KIRREL1: variants seen among roughly 807,000 people sequenced by gnomAD.
The protein encoded by KIRREL1 is kin of IRRE-like protein 1.
KIRREL1 carries 25 observed loss-of-function variants against 83.3 expected under a neutral mutation model. The observed-to-expected ratio is 0.30, with a 90% CI of 0.22 to 0.42. The LOEUF is 0.42. Among genes scored for constraint, KIRREL1 ranks in the 10% least tolerant of loss-of-function variants. KIRREL1 has a pLI of 1.00. For missense variants in KIRREL1, 812 were observed against 1,032.3 expected (o/e 0.79, Z 2.92); for synonymous variants, 388 against 410.4 (o/e 0.95, Z 0.66).
In KIRREL1 at chr1:158,058,181, G is replaced by A. The variant is rs539214659; in HGVS notation, c.53-17932G>A. ...GCCAGGCCTCGGGTTCTGTAATTCT[G>A]TTGGCACTTTGTCCTGCACCACCAC... On this transcript the variant is annotated intron_variant, in intron 1 of 14. Transcript: ENST00000359209. Among the ~76,000 whole-genome samples, 57 of 152,250 alleles carry A rather than the reference G, an allele frequency of 3.7e-4. 1 individual carries two copies. Among genetic ancestry groups the A allele is most frequent in the African/African-American group, 1.2e-3 (51 of 41,544 alleles).
intron 1 of KIRREL1, among the ~76,000 whole-genome samples, chr1:158,002,157 A>C (rs1659378324): frequency 6.6e-6 from 1 of 152,200 alleles, no homozygotes; most frequent in African/African-American, 2.4e-5. Flanking sequence ...GGATGAGGAA[A>C]TCTTTTCCTC....
chr1:158,064,429 A>C (rs533294161), intron 1 of KIRREL1, among the ~76,000 whole-genome samples: 2 of 152,310 alleles, frequency 1.3e-5, no homozygotes, highest in East Asian at 3.9e-4. Flanking sequence ...GACCTGTTAC[A>C]AATTGATTAT....
chr1:157,997,046 G>C (rs527506154), intron 1 of KIRREL1, among the ~76,000 whole-genome samples: 42 of 152,294 alleles, frequency 2.8e-4, no homozygotes, highest in African/African-American at 9.6e-4. Context: ...ACCCTTACAA[G>C]GACTAAGTCT....
At chr1:158,024,644 AGGGTGGG>A in intron 1 of KIRREL1, among the ~76,000 whole-genome samples, 1 of 152,144 alleles carries the variant, frequency 6.6e-6, no homozygotes, top group Non-Finnish European at 1.5e-5. Context: ...CCAGAGGATG[AGGGTGGG>A]AAGGCCCTTG....
chr1:158,090,059 C>G (rs984731854), intron 10 of KIRREL1, among the ~76,000 whole-genome samples: 1 of 152,178 alleles, frequency 6.6e-6, no homozygotes, highest in African/African-American at 2.4e-5. Flanking sequence ...ATCTATAAAA[C>G]AGGGCCAGTA....
At chr1:158,014,968 A>AT (rs1321421464) in intron 1 of KIRREL1, among the ~76,000 whole-genome samples, 1 of 151,938 alleles carries the variant, frequency 6.6e-6, no homozygotes. Flanking sequence ...GCTTCTTAGG[A>AT]TTTTTCCAGC....
rs1319214416 is a variant in KIRREL1 at position 158,098,614 on chromosome 1, C to T, written c.*3494C>T. 17 of 152,312 alleles carry T rather than the reference C, an allele frequency of 1.1e-4. No individual in the cohort carries two copies. Among genetic ancestry groups the T allele is most frequent in the African/African-American group, 3.6e-4 (15 of 41,550 alleles). 9.4% of individuals were successfully genotyped at this position (152,312 alleles called of 1,614,324 possible). Reference sequence around the variant, plus strand: ...TTGGCTGAGCCACGGTCACTTCCCTCGTGAAGGACCCGCCCTATATCCTAA... The same window carrying T: ...TTGGCTGAGCCACGGTCACTTCCCTTGTGAAGGACCCGCCCTATATCCTAA... On this transcript the variant is annotated 3_prime_UTR_variant, in exon 15 of 15. Coordinates refer to ENST00000359209, the MANE Select transcript of KIRREL1 (RefSeq NM_018240.7).
Position 158,093,276 on chromosome 1 carries a change from A to G in KIRREL1, c.1472-63A>G. The G allele has an allele frequency of 2.1e-6, 3 of 1,396,142 alleles. No homozygotes were observed. In the South Asian group the frequency reaches 3.5e-5, roughly 16 times the overall value. The allele number at this position is 1,396,142 out of a possible 1,614,324, so 86.5% of individuals were successfully genotyped here. A position where few individuals can be genotyped will look rare whatever the true frequency, so the allele number is the denominator to read the frequency against. On this transcript the variant is annotated intron_variant, in intron 11 of 14. Coordinates refer to ENST00000359209, the MANE Select transcript of KIRREL1 (RefSeq NM_018240.7). ...GGCTGTGGCCTAGCCTTTAGCCAGC[A>G]CTGAGCTTAGCTCCCAGTATAACTC...
intron 1 of KIRREL1, among the ~76,000 whole-genome samples, chr1:158,027,187 C>A (rs1463091121): frequency 6.6e-6 from 1 of 152,206 alleles, no homozygotes; most frequent in East Asian, 1.9e-4. Context: ...TATTCCTTTT[C>A]TCTAGTGGCT....
intron 3 of KIRREL1, among the ~76,000 whole-genome samples, chr1:158,082,610 T>C (rs1168273887): frequency 1.3e-5 from 2 of 152,162 alleles, no homozygotes; most frequent in African/African-American, 4.8e-5. Flanking sequence ...TGCACACTCC[T>C]CTCGAGTGTT....
Position 158,088,088 on chromosome 1 carries a change from C to T in KIRREL1, c.850C>T (p.Pro284Ser). The T allele has an allele frequency of 6.2e-7, 1 of 1,614,106 alleles. No homozygotes were observed. Among genetic ancestry groups the T allele is most frequent in the Non-Finnish European group, 8.5e-7 (1 of 1,180,022 alleles). Residue 284 changes from proline to serine, a missense_variant, in exon 7 of 15, where the codon CCT becomes TCT. By Grantham distance (74) the Pro-to-Ser change is moderately conservative. This residue lies in a region of KIRREL1 where 472 missense variants were observed against 626.8 expected (regional missense o/e 0.75). Transcript: ENST00000359209. ...TNVDYSFFTE[P>S]VSCEVHNKVG... Reference sequence around the variant, plus strand: ...TGTGGATTATTCCTTTTTCACGGAGCCTGTGTCTTGTGAGGTTCACAACAA... The same window carrying T: ...TGTGGATTATTCCTTTTTCACGGAGTCTGTGTCTTGTGAGGTTCACAACAA...
rs554263523 is a variant in KIRREL1 at position 158,010,042 on chromosome 1, A to T, written c.52+16314A>T. ...AGTGACCTGGGCCTATTTTCTTATC[A>T]TAAAATGAGAAGGTTAATTTCCAAG... On this transcript the variant is annotated intron_variant, in intron 1 of 14. Coordinates refer to ENST00000359209, the MANE Select transcript of KIRREL1 (RefSeq NM_018240.7). Among the ~76,000 whole-genome samples, 14 of 152,264 alleles carry T rather than the reference A, an allele frequency of 9.2e-5. No individual in the cohort carries two copies. In the South Asian group the frequency reaches 1.9e-3, roughly 20 times the overall value.
chr1:158,056,558 C>T (rs66716637), intron 1 of KIRREL1, among the ~76,000 whole-genome samples: 11,848 of 152,164 alleles, frequency 0.078, 491 homozygotes, highest in Middle Eastern at 0.16. Context: ...AGCACCTGCC[C>T]CAGGTGTGTG....
At chr1:158,065,787 TGG>T (rs1369492708) in intron 1 of KIRREL1, among the ~76,000 whole-genome samples, 2 of 145,608 alleles carry the variant, frequency 1.4e-5, no homozygotes, top group African/African-American at 5.1e-5. Flanking sequence ...GGCCAGAGGG[TGG>T]GAATCGCAGC....
chr1:158,067,500 G>A (rs1334464015), intron 1 of KIRREL1, among the ~76,000 whole-genome samples: 1 of 152,190 alleles, frequency 6.6e-6, no homozygotes, highest in Non-Finnish European at 1.5e-5. Context: ...GTTTGACCGA[G>A]GCCCCAGGTC....
At position 158,082,660 on chromosome 1, in the gene KIRREL1, G is replaced by A. The variant is rs60052314; in HGVS notation, c.353-1762G>A. Among the ~76,000 whole-genome samples the A allele has an allele frequency of 5.3e-5, 8 of 152,236 alleles. No individual in the cohort carries two copies. The East Asian group carries it at 1.4e-3, about 26-fold the overall frequency. ...CTCTGGGTCTTTCTTGTCTTTCCCA[G>A]AAAGAAGCAAACAAAATCTTTTATC... On this transcript the variant is annotated intron_variant, in intron 3 of 14. Coordinates refer to ENST00000359209, the MANE Select transcript of KIRREL1 (RefSeq NM_018240.7).
intron 1 of KIRREL1, among the ~76,000 whole-genome samples, chr1:158,074,057 A>G (rs894550158): frequency 6.6e-6 from 1 of 152,216 alleles, no homozygotes; most frequent in Admixed American, 6.5e-5. Context: ...GCGCAAGGAT[A>G]TGAATAAATT....
intron 1 of KIRREL1, among the ~76,000 whole-genome samples, chr1:158,048,540 C>T (rs1426515726): frequency 6.6e-6 from 1 of 152,208 alleles, no homozygotes; most frequent in Admixed American, 6.5e-5. Context: ...CCACAGTGAA[C>T]TCACAGCTAC....
At chr1:158,006,311 G>C (rs2101628711) in intron 1 of KIRREL1, among the ~76,000 whole-genome samples, 2 of 152,292 alleles carry the variant, frequency 1.3e-5, no homozygotes, top group Middle Eastern at 3.4e-3. Context: ...CTGGCAAGCA[G>C]GAAGTTCTTC....
Sources: allele counts gnomAD v4.1 joint callset (sites outside exome capture counted in the v4.1 genomes callset), GRCh38; gene constraint gnomAD v4.1.1; regional missense constraint gnomAD v4.1.1; transcripts MANE v1.5; gene names NCBI Gene and HGNC (gene_info 2026-07-23, HGNC 2026-07-21).